Variants in PANX2 observed in about 807,000 individuals in gnomAD.
The protein encoded by PANX2 is pannexin-2.
PANX2 carries 30 observed loss-of-function variants against 38.7 expected under a neutral mutation model. The ratio of observed to expected loss-of-function variants is 0.78; its 90% confidence interval spans 0.58 to 1.05. PANX2 has a LOEUF of 1.05. PANX2 is among the 50% of genes least tolerant of loss of function. The probability of loss-of-function intolerance (pLI) is 0.00; values close to 1 mark genes in which losing one functional copy is unlikely to be tolerated. For synonymous variants in PANX2, 539 were observed against 472.1 expected, an observed-to-expected ratio of 1.14 and a Z score of -1.84; for missense variants, 880 against 979.3, an observed-to-expected ratio of 0.90 and a Z score of 1.35.
At chr22:50,175,561 C>A in intron 1 of PANX2, 1 of 707,114 alleles carries the variant, frequency 1.4e-6, no homozygotes, top group Non-Finnish European at 2.1e-6. Context: ...CTGAGCCCAG[C>A]TCATCTCCAG....
At position 50,178,300 on chromosome 22, in the gene PANX2, G is replaced by T; in HGVS notation, c.1588G>T (p.Glu530Ter). The change falls in exon 2 of 3, where the codon GAG (glutamate) becomes TAG (stop). Residue 530 changes from glutamate (E) to a stop codon, truncating the protein, a stop_gained. Coordinates refer to ENST00000395842, the MANE Select transcript of PANX2 (RefSeq NM_052839.4). LOFTEE classifies it high-confidence loss of function. The part of the protein sequence containing the change: ...YILGTKKAKA[E>*]AVPAALPASR... ...CCTCGGCACCAAGAAGGCCAAGGCC[G>T]AGGCGGTGCCCGCCGCCCTGCCCGC... 6.7e-7 allele frequency: 1 copy of T among 1,500,514 alleles called. No individual in the cohort carries two copies. 92.9% of individuals were successfully genotyped at this position (1,500,514 alleles called of 1,614,324 possible).
rs1314862652 is a variant in PANX2 at position 50,177,267 on chromosome 22, G to C, written c.555G>C (p.Pro185=). ...KIEKQIQSKG[P]GITEREKREI... is the part of the protein sequence containing the mutation. ...AGAAGCAGATCCAGTCCAAGGGCCCGGGCATCACGGAGCGCGAGAAGCGCG... is the reference window on the plus strand; with the variant it reads ...AGAAGCAGATCCAGTCCAAGGGCCCCGGCATCACGGAGCGCGAGAAGCGCG... The change falls in exon 2 of 3, where the codon CCG becomes CCC. Residue 185 remains proline (P), a synonymous_variant. Coordinates refer to ENST00000395842, the MANE Select transcript of PANX2 (RefSeq NM_052839.4). 6.2e-7 allele frequency: 1 copy of C among 1,612,204 alleles called. No individual in the cohort carries two copies. The highest frequency in any genetic ancestry group is 1.1e-5 in the South Asian group (1 of 91,022).
Position 50,179,371 on chromosome 22 carries a change from C to G in PANX2, c.*94C>G. 1 of 1,178,138 alleles carries G rather than the reference C, an allele frequency of 8.5e-7. No individual in the cohort carries two copies. Among genetic ancestry groups the G allele is most frequent in the Non-Finnish European group, 1.2e-6 (1 of 823,028 alleles). 73.0% of individuals were successfully genotyped at this position (1,178,138 alleles called of 1,614,324 possible). Reference sequence around the variant, plus strand: ...GGACACCAGCCCTGCGTGGACGTGGCCTGTGCTTCGCCCGCACTGCGCGCA... The same window carrying G: ...GGACACCAGCCCTGCGTGGACGTGGGCTGTGCTTCGCCCGCACTGCGCGCA... On this transcript the variant is annotated 3_prime_UTR_variant, in exon 3 of 3. Transcript: ENST00000395842.
At chr22:50,175,549 C>T in intron 1 of PANX2, 1 of 845,100 alleles carries the variant, frequency 1.2e-6, no homozygotes, top group South Asian at 1.6e-5. Context: ...GTTTGCTCTT[C>T]TCTGAGCCCA....
intron 1 of PANX2, among the ~76,000 whole-genome samples, chr22:50,171,785 G>T (rs774874312): frequency 5.3e-5 from 8 of 152,186 alleles, no homozygotes; most frequent in Non-Finnish European, 8.8e-5. Flanking sequence ...AGGCAAGGGG[G>T]ATCAGGGTCT....
Position 50,178,105 on chromosome 22 carries a change from A to G in PANX2, c.1393A>G (p.Arg465Gly), listed in dbSNP as rs1300998026. Residue 465 changes from arginine (R) to glycine (G), a missense_variant, in exon 2 of 3, where the codon AGG becomes GGG. By Grantham distance (125) the Arg-to-Gly change is moderately radical. Around this residue, in one of 4 missense-constraint regions of PANX2, gnomAD observed 445 missense variants for 404.3 expected, o/e 1.10. Transcript: ENST00000395842. Reference sequence around the variant, plus strand: ...GGCGGAGAAGCCGAAGCCCGCGCGCAGGAAGACGGCCACGGACACGCTGAT... The same window carrying G: ...GGCGGAGAAGCCGAAGCCCGCGCGCGGGAAGACGGCCACGGACACGCTGAT... Reference protein sequence around the residue: ...SKAEKPKPARRKTATDTLIAP... With the variant: ...SKAEKPKPARGKTATDTLIAP... The G allele has an allele frequency of 1.3e-6, 2 of 1,546,212 alleles. No individual in the cohort carries two copies. The highest frequency in any genetic ancestry group is 2.8e-5 in the African/African-American group (2 of 72,716).
Position 50,179,668 on chromosome 22 carries a change from CCAG to C in PANX2, c.*393_*395del. The stretch of plus-strand genomic sequence containing the variant: ...GCCCAACTCCCCCAGCCCAGCTCCC[CCAG>C]CCCAGAGCCAGGGAAGAGGAAGGTG... On this transcript the variant is annotated 3_prime_UTR_variant, in exon 3 of 3. Coordinates refer to ENST00000395842, the MANE Select transcript of PANX2 (RefSeq NM_052839.4). 1 of 209,578 alleles carries C rather than the reference CCAG, an allele frequency of 4.8e-6. No homozygotes were observed. Among genetic ancestry groups the C allele is most frequent in the Non-Finnish European group, 9.8e-6 (1 of 102,452 alleles). The allele number at this position is 209,578 out of a possible 1,614,324, so 13.0% of individuals were successfully genotyped here. A position where few individuals can be genotyped will look rare whatever the true frequency, so the allele number is the denominator to read the frequency against.
rs1569068826 is a variant in PANX2 at position 50,178,198 on chromosome 22, G to GC, written c.1490dup (p.Ala498CysfsTer9). 1.6e-5 allele frequency: 13 copies of GC among 834,170 alleles called. No homozygotes were observed. The highest frequency in any genetic ancestry group is 1.4e-4 in the South Asian group (7 of 49,494). 51.7% of individuals were successfully genotyped at this position (834,170 alleles called of 1,614,324 possible). ...AGGGGGCGACCCGGGCCCCGGCCCC[G>GC]CCCCTGCCCCCGCCCCGCCGCCCGC... On this transcript the variant is annotated frameshift_variant, in exon 2 of 3. Transcript: ENST00000395842. LOFTEE classifies it high-confidence loss of function.
At position 50,177,096 on chromosome 22, in the gene PANX2, G is replaced by A. The variant is rs746009911; in HGVS notation, c.384G>A (p.Leu128=). ...LFEHKFLPYA[L]LAFAAIMYVP... ...AGCACAAGTTCCTGCCCTACGCGCTGCTGGCCTTCGCCGCCATCATGTACG... is the reference window on the plus strand; with the variant it reads ...AGCACAAGTTCCTGCCCTACGCGCTACTGGCCTTCGCCGCCATCATGTACG... The change falls in exon 2 of 3, where the codon CTG becomes CTA. Residue 128 remains leucine, a synonymous_variant. Transcript: ENST00000395842. The A allele has an allele frequency of 1.2e-6, 2 of 1,610,596 alleles. No homozygotes were observed. The highest frequency in any genetic ancestry group is 1.7e-6 in the Non-Finnish European group (2 of 1,178,954).
In PANX2 at chr22:50,177,557, C is replaced by T; in HGVS notation, c.845C>T (p.Pro282Leu). The change falls in exon 2 of 3, where the codon CCG becomes CTG. Residue 282 changes from proline to leucine, a missense_variant. Transcript: ENST00000395842. ...GPAVRVSCKL[P>L]SVQLQRIIAG... ...GCGGTGCGCGTGAGCTGCAAGCTCC[C>T]GTCCGTGCAACTGCAGCGCATCATC... 1 of 1,612,228 alleles carries T rather than the reference C, an allele frequency of 6.2e-7. No individual in the cohort carries two copies.
chr22:50,177,906 C>T lies in PANX2; in HGVS notation c.1194C>T (p.Arg398=), dbSNP rs566535776. The T allele has an allele frequency of 1.3e-6, 2 of 1,529,864 alleles. No individual in the cohort carries two copies. Among genetic ancestry groups the T allele is most frequent in the Middle Eastern group, 1.7e-4 (1 of 5,928 alleles). The allele number at this position is 1,529,864 out of a possible 1,614,324, so 94.8% of individuals were successfully genotyped here. ...QSNHDATPTV[R]DSGVQTVDPS... ...ACCACGACGCCACCCCCACGGTGCG[C>T]GACTCGGGGGTGCAGACCGTGGACC... The change falls in exon 2 of 3, where the codon CGC becomes CGT. Residue 398 remains arginine (R), a synonymous_variant. Coordinates refer to ENST00000395842, the MANE Select transcript of PANX2 (RefSeq NM_052839.4).
chr22:50,175,628 C>T (rs1397460596), intron 1 of PANX2: 3 of 355,798 alleles, frequency 8.4e-6, no homozygotes, highest in Non-Finnish European at 1.6e-5. Flanking sequence ...TGCCTCTTCC[C>T]AGGCTCCCTC....
Position 50,170,934 on chromosome 22 carries a change from G to C in PANX2, c.204G>C (p.Leu68=). The C allele has an allele frequency of 6.6e-7, 1 of 1,517,654 alleles. No homozygotes were observed. The highest frequency in any genetic ancestry group is 8.8e-7 in the Non-Finnish European group (1 of 1,131,932). 94.0% of individuals were successfully genotyped at this position (1,517,654 alleles called of 1,614,324 possible). A position where few individuals can be genotyped will look rare whatever the true frequency, so the allele number is the denominator to read the frequency against. The stretch of plus-strand genomic sequence containing the variant: ...TGGTGCCCATCCTGCTGGTCACCCT[G>C]GTCTTCACCAAGAACTTCGCAGGTG... ...TVLVPILLVT[L]VFTKNFAEEP... Residue 68 remains leucine (L), a synonymous_variant, in exon 1 of 3, where the codon CTG becomes CTC. Coordinates refer to ENST00000395842, the MANE Select transcript of PANX2 (RefSeq NM_052839.4).
intron 1 of PANX2, among the ~76,000 whole-genome samples, chr22:50,172,432 C>T (rs1005404959): frequency 4.6e-5 from 7 of 152,172 alleles, no homozygotes; most frequent in African/African-American, 1.4e-4. Flanking sequence ...TGTCTGTGTC[C>T]AAATTTCCTT....
intron 1 of PANX2, among the ~76,000 whole-genome samples, chr22:50,173,009 G>T (rs969515199): frequency 1.3e-5 from 2 of 149,986 alleles, no homozygotes; most frequent in Non-Finnish European, 3.0e-5. Flanking sequence ...CCATTCTCCT[G>T]CCTCAGCCTC....
rs776319701 is a variant in PANX2 at position 50,175,538 on chromosome 22, G to A, written c.227-1401G>A. ...GAGAGTGGATTCCTTTGCCTTGTCC[G>A]GTTTGCTCTTCTCTGAGCCCAGCTC... On this transcript the variant is annotated intron_variant, in intron 1 of 2. Coordinates refer to ENST00000395842, the MANE Select transcript of PANX2 (RefSeq NM_052839.4). 2.5e-4 allele frequency: 247 copies of A among 981,292 alleles called. 1 individual carries two copies. The highest frequency in any genetic ancestry group is 7.1e-4 in the South Asian group (48 of 68,082). The allele number at this position is 981,292 out of a possible 1,614,324, so 60.8% of individuals were successfully genotyped here. A position where few individuals can be genotyped will look rare whatever the true frequency, so the allele number is the denominator to read the frequency against.
chr22:50,173,286 G>A (rs2063644546), intron 1 of PANX2, among the ~76,000 whole-genome samples: 1 of 152,254 alleles, frequency 6.6e-6, no homozygotes, highest in African/African-American at 2.4e-5. Flanking sequence ...GCCCGCCTCG[G>A]CCTCCCAAAT....
chr22:50,178,441 G>T, intron 2 of PANX2, 39 bp downstream of exon 2: 1 of 1,308,286 alleles, frequency 7.6e-7, no homozygotes. Context: ...GGGGACTGGG[G>T]GTGGGAGAGG....
At chr22:50,171,050 C>T in intron 1 of PANX2, 94 bp downstream of exon 1, 1 of 535,314 alleles carries the variant, frequency 1.9e-6, no homozygotes, top group South Asian at 5.0e-5. Context: ...CGGCTCCGTC[C>T]AGCCGCGCCC....
Sources: allele counts gnomAD v4.1 joint callset (sites outside exome capture counted in the v4.1 genomes callset), GRCh38; gene constraint gnomAD v4.1.1; regional missense constraint gnomAD v4.1.1; transcripts MANE v1.5; gene names NCBI Gene and HGNC (gene_info 2026-07-23, HGNC 2026-07-21).